The following TANGO6 variants were observed in gnomAD, a reference collection of about 807,000 sequenced individuals.
TANGO6 encodes the protein transport and golgi organization 6 homolog.
Under a neutral mutation model 114.2 loss-of-function variants are expected in TANGO6, and 90 were observed. That is an observed-to-expected ratio of 0.79 (90% CI 0.66 to 0.94). The LOEUF (loss-of-function observed/expected upper bound fraction) is 0.94. Among genes scored for constraint, TANGO6 ranks in the 40% least tolerant of loss-of-function variants. The pLI, the probability that TANGO6 is intolerant of heterozygous loss-of-function variation, is 0.00. For missense variants in TANGO6, 1,274 were observed against 1,315.3 expected (o/e 0.97, Z 0.49); for synonymous variants, 477 against 509.8 (o/e 0.94, Z 0.87).
intron 14 of TANGO6, chr16:68,973,047 G>C (rs1282416336): frequency 2.2e-6 from 1 of 448,462 alleles, no homozygotes; most frequent in Non-Finnish European, 4.5e-6. Context: ...CTCATATTCA[G>C]GGAAGAAGGG....
At chr16:68,973,905 T>TG in intron 14 of TANGO6, 123 bp from the exon 15 acceptor site, 2 of 1,166,694 alleles carry the variant, frequency 1.7e-6, no homozygotes, top group South Asian at 3.0e-5. Context: ...AGGCAGCCCT[T>TG]GCTGGGAGAG....
intron 17 of TANGO6, among the ~76,000 whole-genome samples, chr16:69,082,069 C>T (rs149633161): frequency 8.5e-5 from 13 of 152,198 alleles, no homozygotes; most frequent in East Asian, 5.8e-4. Context: ...CTGCAACCTC[C>T]GCCTCCTGGG....
At chr16:68,948,279 A>G (rs1392271904) in intron 14 of TANGO6, 2 of 152,216 alleles carry the variant, frequency 1.3e-5, no homozygotes, top group Non-Finnish European at 2.9e-5. Flanking sequence ...CTTGGATGTA[A>G]AGAGAAATGA....
intron 16 of TANGO6, chr16:69,033,935 T>G (rs927383770): frequency 1.3e-5 from 2 of 158,998 alleles, no homozygotes; most frequent in African/African-American, 4.8e-5. Flanking sequence ...TATCATTAGC[T>G]TTTTTCAAGG....
chr16:68,881,960 A>G (rs1009791395), intron 7 of TANGO6, among the ~76,000 whole-genome samples: 4 of 152,150 alleles, frequency 2.6e-5, no homozygotes, highest in African/African-American at 9.7e-5. Flanking sequence ...CAACCTGGTG[A>G]ATATAGTGAG....
Position 69,083,482 on chromosome 16 carries a change from C to T in TANGO6, c.3109-3C>T. 2.5e-6 allele frequency: 4 copies of T among 1,606,348 alleles called. No homozygotes were observed. The highest frequency in any genetic ancestry group is 4.5e-5 in the East Asian group (2 of 44,744). ...GGCGGTCATGGCTGTCTCTCTCATG[C>T]AGGTGCTGAGCGCCGTCCTCAAGGA... On this transcript the variant is annotated splice_polypyrimidine_tract_variant and splice_region_variant and intron_variant, in intron 17 of 17. Transcript: ENST00000261778.
chr16:69,011,253 G>A (rs559562592), intron 15 of TANGO6, among the ~76,000 whole-genome samples: 2 of 152,114 alleles, frequency 1.3e-5, no homozygotes, highest in African/African-American at 2.4e-5. Flanking sequence ...AAAAGAAAAG[G>A]GGGGGCAGGA....
At chr16:69,029,454 C>T (rs1048253425) in intron 16 of TANGO6, among the ~76,000 whole-genome samples, 8 of 152,098 alleles carry the variant, frequency 5.3e-5, no homozygotes, top group Non-Finnish European at 1.0e-4. Flanking sequence ...AGCAGTATTC[C>T]GGACACCTAA....
Position 68,947,452 on chromosome 16 carries a change from C to CA in TANGO6, c.2701+17167dup, listed in dbSNP as rs573276282. Among the ~76,000 whole-genome samples the CA allele has an allele frequency of 1.4e-4, 20 of 140,580 alleles. No homozygotes were observed. The East Asian group carries it at 1.6e-3, about 12-fold the overall frequency. The allele number at this position is 140,580 out of a possible 152,430, so 92.2% of individuals were successfully genotyped here. A position where few individuals can be genotyped will look rare whatever the true frequency, so the allele number is the denominator to read the frequency against. On this transcript the variant is annotated intron_variant, in intron 14 of 17. Coordinates refer to ENST00000261778, the MANE Select transcript of TANGO6 (RefSeq NM_024562.2). ...CTGGCGACAGAGTAAGACTCCGTCT[C>CA]AAAAAAAAAATTAAAAAGATGTATT...
intron 17 of TANGO6, among the ~76,000 whole-genome samples, chr16:69,074,014 T>C (rs930991990): frequency 6.6e-6 from 1 of 150,406 alleles, no homozygotes; most frequent in Admixed American, 6.6e-5. Context: ...GCCCCCGACC[T>C]AGGAGACCTG....
chr16:68,968,563 CCA>C (rs1463715991), intron 14 of TANGO6, among the ~76,000 whole-genome samples: 46 of 151,802 alleles, frequency 3.0e-4, no homozygotes, highest in Middle Eastern at 6.8e-3. Context: ...GGGGGTTTCA[CCA>C]TGTTGGTCAG....
intron 7 of TANGO6, among the ~76,000 whole-genome samples, chr16:68,895,271 C>T (rs1298573135): frequency 1.3e-5 from 2 of 152,126 alleles, no homozygotes; most frequent in Admixed American, 6.6e-5. Context: ...ATTGCTTGAA[C>T]CCGGAAGGTG....
chr16:69,001,972 T>C (rs1051225806), intron 15 of TANGO6, among the ~76,000 whole-genome samples: 1 of 152,054 alleles, frequency 6.6e-6, no homozygotes, highest in African/African-American at 2.4e-5. Context: ...AGTTCTCTCA[T>C]AATGCAAAAT....
At position 69,083,565 on chromosome 16, in the gene TANGO6, C is replaced by G; in HGVS notation, c.3189C>G (p.Leu1063=). 6.2e-7 allele frequency: 1 copy of G among 1,609,674 alleles called. No individual in the cohort carries two copies. Among genetic ancestry groups the G allele is most frequent in the South Asian group, 1.1e-5 (1 of 89,886 alleles). The change falls in exon 18 of 18, where the codon CTC becomes CTG. Residue 1063 remains leucine (L), a synonymous_variant. Transcript: ENST00000261778. ...TGGAGCCCGATGACGTGGCCAAGCT[C>G]CATGCCCAGTTGGCCCTAGAAGAGC... ...VCLEPDDVAK[L]HAQLALEELD...
intron 15 of TANGO6, among the ~76,000 whole-genome samples, chr16:69,005,788 C>CA (rs57025707): frequency 0.03 from 2,594 of 86,832 alleles, 40 homozygotes; most frequent in Non-Finnish European, 0.047. Flanking sequence ...AACTTCATCT[C>CA]AAAAAAAAAA....
intron 15 of TANGO6, among the ~76,000 whole-genome samples, chr16:68,975,998 G>T (rs564382026): frequency 6.6e-6 from 1 of 151,706 alleles, no homozygotes; most frequent in East Asian, 1.9e-4. Context: ...TCATTGGCAC[G>T]GTCATGGCTC....
At chr16:69,064,975 A>G (rs978280723) in intron 17 of TANGO6, among the ~76,000 whole-genome samples, 1 of 152,168 alleles carries the variant, frequency 6.6e-6, no homozygotes, top group African/African-American at 2.4e-5. Context: ...ATATGTGATC[A>G]CTGAGTACAG....
At chr16:68,907,639 T>G in intron 10 of TANGO6, 64 bp downstream of exon 10, 1 of 1,489,152 alleles carries the variant, frequency 6.7e-7, no homozygotes, top group Non-Finnish European at 8.9e-7. Flanking sequence ...ACCCTTAGAA[T>G]TTTCAAAGCA....
chr16:69,062,128 G>C lies in TANGO6; in HGVS notation c.3109-21357G>C, dbSNP rs1431091236. On this transcript the variant is annotated intron_variant, in intron 17 of 17. Transcript: ENST00000261778. ...AACAAATTTTTAAAAATATTTGTGG[G>C]GAAAAGATGCAATTTTAATTTGTGG... Among the ~76,000 whole-genome samples the C allele has an allele frequency of 2.0e-5, 3 of 152,192 alleles. No individual in the cohort carries two copies. In the East Asian group the frequency reaches 5.8e-4, roughly 29 times the overall value.
Sources: allele counts gnomAD v4.1 joint callset (sites outside exome capture counted in the v4.1 genomes callset), GRCh38; gene constraint gnomAD v4.1.1; transcripts MANE v1.5; gene names NCBI Gene and HGNC (gene_info 2026-07-23, HGNC 2026-07-21).